Variants in RARB observed in about 807,000 individuals in gnomAD.
RARB encodes HBV-activated protein.
A neutral mutation model predicts 51.9 loss-of-function variants in RARB; 17 were observed. The ratio of observed to expected loss-of-function variants is 0.33; its 90% CI spans 0.22 to 0.49. The LOEUF (loss-of-function observed/expected upper bound fraction) is 0.49. Ranked by LOEUF, RARB falls within the 20% of genes least tolerant of loss-of-function variation. RARB has a pLI of 0.99. For synonymous variants in RARB, 215 were observed against 195.4 expected (o/e 1.10, Z -0.84); for missense variants, 369 against 550.8 (o/e 0.67, Z 3.30).
At chr3:24,929,992 G>T (rs1277162791) in intron 2 of RARB, among the ~76,000 whole-genome samples, 1 of 152,000 alleles carries the variant, frequency 6.6e-6, no homozygotes, top group Non-Finnish European at 1.5e-5. Flanking sequence ...GAGTATGATA[G>T]CTCAGTAAGT....
upstream of RARB, among the ~76,000 whole-genome samples, chr3:25,423,772 AAAC>A (rs1707919356): frequency 6.6e-6 from 1 of 152,260 alleles, no homozygotes; most frequent in African/African-American, 2.4e-5. Flanking sequence ...AAGGAAATGT[AAAC>A]AAGATGAAAT....
rs75565183 is a variant in RARB at position 25,374,519 on chromosome 3, T to G, written c.179-86674T>G. ...AATCATGGAGAGTATAAGGGTGAGCTACCCCCACAGAAGTTAGTGGCCTTT... is the reference window on the plus strand; with the variant it reads ...AATCATGGAGAGTATAAGGGTGAGCGACCCCCACAGAAGTTAGTGGCCTTT... On this transcript the variant is annotated intron_variant, in intron 5 of 11. Coordinates refer to the RARB transcript ENST00000383772. 6.2e-3 allele frequency among the ~76,000 whole-genome samples: 936 copies of G among 152,180 alleles called. 5 individuals carry two copies. Among genetic ancestry groups the G allele is most frequent in the Non-Finnish European group, 0.01 (707 of 67,996 alleles).
intron 3 of RARB, among the ~76,000 whole-genome samples, chr3:25,100,385 G>A (rs1031038402): frequency 1.3e-5 from 2 of 152,164 alleles, no homozygotes; most frequent in Non-Finnish European, 2.9e-5. Context: ...CCAGGAAGAA[G>A]TGTGTTCTAG....
At chr3:25,188,540 A>C (rs905935576) in intron 5 of RARB, among the ~76,000 whole-genome samples, 1 of 152,102 alleles carries the variant, frequency 6.6e-6, no homozygotes, top group Non-Finnish European at 1.5e-5. Flanking sequence ...GCAGTGGTAA[A>C]ATTTCCAAGG....
At chr3:25,049,811 A>C (rs1249526803) in intron 2 of RARB, among the ~76,000 whole-genome samples, 1 of 152,228 alleles carries the variant, frequency 6.6e-6, no homozygotes, top group Non-Finnish European at 1.5e-5. Context: ...TCAGTTAATC[A>C]CTTGAAACTG....
intron 2 of RARB, among the ~76,000 whole-genome samples, chr3:24,881,291 G>A (rs1049194682): frequency 6.6e-6 from 1 of 151,494 alleles, no homozygotes; most frequent in African/African-American, 2.4e-5. Context: ...TTATAGCAGT[G>A]TCAGAACAAA....
chr3:24,879,565 T>C (rs1195710058), intron 2 of RARB, among the ~76,000 whole-genome samples: 1 of 149,860 alleles, frequency 6.7e-6, no homozygotes, highest in Non-Finnish European at 1.5e-5. Flanking sequence ...GGCTCTCCTC[T>C]GTAATCCCAG....
At chr3:25,071,554 G>A (rs75925233) in intron 3 of RARB, among the ~76,000 whole-genome samples, 2 of 152,174 alleles carry the variant, frequency 1.3e-5, no homozygotes, top group South Asian at 4.1e-4. Flanking sequence ...AGAAACTACT[G>A]CTTTGGAAAC....
upstream of RARB, among the ~76,000 whole-genome samples, chr3:25,427,159 A>G (rs1708017035): frequency 6.6e-6 from 1 of 152,166 alleles, no homozygotes; most frequent in African/African-American, 2.4e-5. Flanking sequence ...TAATTTTCAC[A>G]TTGGACTTTC....
intron 3 of RARB, among the ~76,000 whole-genome samples, chr3:25,548,475 A>G (rs1167445609): frequency 6.6e-6 from 1 of 152,166 alleles, no homozygotes; most frequent in African/African-American, 2.4e-5. Context: ...CAGGAGGACC[A>G]GCATTCAGAT....
intron 4 of RARB, among the ~76,000 whole-genome samples, chr3:25,575,598 T>C (rs1219892289): frequency 6.6e-6 from 1 of 152,122 alleles, no homozygotes. Flanking sequence ...ACACCAATCC[T>C]CCGTCTTCTC....
At chr3:25,320,195 T>C (rs1704530736) in intron 5 of RARB, among the ~76,000 whole-genome samples, 1 of 152,128 alleles carries the variant, frequency 6.6e-6, no homozygotes, top group South Asian at 2.1e-4. Flanking sequence ...CACAGCAAAT[T>C]CTATGCAGTC....
At chr3:25,364,020 C>G in intron 5 of RARB, among the ~76,000 whole-genome samples, 1 of 152,220 alleles carries the variant, frequency 6.6e-6, no homozygotes, top group East Asian at 1.9e-4. Context: ...TGACCATTCT[C>G]TTTCAAATTT....
chr3:25,202,253 T>C (rs1209106172), intron 5 of RARB, among the ~76,000 whole-genome samples: 3 of 152,192 alleles, frequency 2.0e-5, no homozygotes, highest in African/African-American at 7.2e-5. Context: ...TGATGGTAGT[T>C]TGTATTTATG....
intron 2 of RARB, among the ~76,000 whole-genome samples, chr3:25,489,170 C>T (rs1478444754): frequency 6.6e-6 from 1 of 152,184 alleles, no homozygotes; most frequent in Non-Finnish European, 1.5e-5. Flanking sequence ...CAGACAAGTT[C>T]ATGTTGTTTA....
intron 2 of RARB, among the ~76,000 whole-genome samples, chr3:25,490,777 T>G (rs79710836): frequency 0.037 from 5,611 of 152,282 alleles, 145 homozygotes; most frequent in Middle Eastern, 0.082. Flanking sequence ...CTTAGAGTAA[T>G]CCTGATAATA....
At chr3:25,093,015 T>G (rs1453137302) in intron 3 of RARB, among the ~76,000 whole-genome samples, 1 of 152,198 alleles carries the variant, frequency 6.6e-6, no homozygotes, top group African/African-American at 2.4e-5. Flanking sequence ...ATTCCATCCC[T>G]ACTTAGAGCA....
intron 3 of RARB, among the ~76,000 whole-genome samples, chr3:25,128,476 AAT>A (rs146910311): frequency 0.017 from 2,504 of 148,996 alleles, 61 homozygotes; most frequent in African/African-American, 0.056. Context: ...ATATACTAGA[AAT>A]ATATCTAGTA....
At chr3:24,852,037 A>G (rs1050223417) in intron 1 of RARB, among the ~76,000 whole-genome samples, 4 of 152,220 alleles carry the variant, frequency 2.6e-5, no homozygotes, top group Admixed American at 6.5e-5. Flanking sequence ...GTGGCATTGA[A>G]TTCAGATTTT....
Sources: gnomAD v4.1 joint callset for allele counts (sites outside exome capture counted in the v4.1 genomes callset) on GRCh38, gnomAD v4.1.1 for gene constraint, MANE v1.5 for transcripts, NCBI Gene and HGNC (gene_info 2026-07-23, HGNC 2026-07-21) for gene names.